Variants in SRD5A2 observed in about 807,000 individuals in gnomAD.
The protein encoded by SRD5A2 is 3-oxo-5-alpha-steroid 4-dehydrogenase 2.
In SRD5A2, 30 loss-of-function variants were observed where a neutral mutation model predicts 27.4. The observed-to-expected ratio is 1.10, with a 90% CI of 0.82 to 1.49. The LOEUF is 1.49. SRD5A2 is among the 40% of genes most tolerant of loss of function. The pLI is 0.00. For missense variants in SRD5A2, 348 were observed against 323.4 expected (o/e 1.08, Z -0.58); for synonymous variants, 141 against 133.6 (o/e 1.06, Z -0.38).
the SRD5A2 span, among the ~76,000 whole-genome samples, chr2:31,657,152 T>C: frequency 0.023 from 3,534 of 152,224 alleles, 131 homozygotes; most frequent in African/African-American, 0.079. Context: ...CTAAATGAAA[T>C]GTGTGTTTTA....
intron 4 of SRD5A2, among the ~76,000 whole-genome samples, chr2:31,528,026 C>A (rs1401188177): frequency 2.6e-5 from 4 of 152,178 alleles, no homozygotes; most frequent in Admixed American, 6.5e-5. Flanking sequence ...CAAGTTAAAG[C>A]CTGATAACAA....
rs929491302 is a variant in SRD5A2, at chr2:31,522,804, A to G, written c.*3392T>C. 1.4e-5 allele frequency: 3 copies of G among 221,628 alleles called. No homozygotes were observed. The highest frequency in any genetic ancestry group is 6.7e-5 in the African/African-American group (3 of 44,682). 13.7% of individuals were successfully genotyped at this position (221,628 alleles called of 1,614,324 possible). ...CCGTTACCCTCCTTGTTTTCCCTGC[A>G]TGGACCTCAGCTCACAGCTTATTAG... On this transcript the variant is annotated 3_prime_UTR_variant, in exon 5 of 5. Coordinates refer to ENST00000622030, the MANE Select transcript of SRD5A2 (RefSeq NM_000348.4).
the SRD5A2 span, among the ~76,000 whole-genome samples, chr2:31,598,619 G>A: frequency 1.3e-5 from 2 of 151,518 alleles, no homozygotes; most frequent in African/African-American, 4.8e-5. Flanking sequence ...TGGGTTATCT[G>A]GTAGTATTTG....
In SRD5A2 at chr2:31,555,643, T is replaced by A. The variant is rs369063046; in HGVS notation, c.282-21877A>T. 5.9e-5 allele frequency among the ~76,000 whole-genome samples: 9 copies of A among 152,182 alleles called. No individual in the cohort carries two copies. In the East Asian group the frequency reaches 1.3e-3, roughly 23 times the overall value. On this transcript the variant is annotated intron_variant, in intron 1 of 4. Transcript: ENST00000622030. Reference sequence around the variant, plus strand: ...TGATAGTATCTTTGGAACCACTGCATTGATCTGGACCTGAAGCTGGAATTT... The same window carrying A: ...TGATAGTATCTTTGGAACCACTGCAATGATCTGGACCTGAAGCTGGAATTT...
chr2:31,537,884 C>T (rs1666057908), intron 1 of SRD5A2, among the ~76,000 whole-genome samples: 1 of 152,124 alleles, frequency 6.6e-6, no homozygotes, highest in Non-Finnish European at 1.5e-5. Context: ...CTTGCCCTTT[C>T]ACCTTCTGCC....
In SRD5A2 at chr2:31,526,062, G is replaced by T. The variant is rs922813779; in HGVS notation, c.*134C>A. On this transcript the variant is annotated 3_prime_UTR_variant, in exon 5 of 5. Transcript: ENST00000622030. ...AGCAGACACCACTCAGAATCCCCAG[G>T]CCAGCTGGCAGAACGCCAGGAGACC... 3.3e-6 allele frequency: 2 copies of T among 600,980 alleles called. No homozygotes were observed. The highest frequency in any genetic ancestry group is 5.8e-6 in the Non-Finnish European group (2 of 346,966). The allele number at this position is 600,980 out of a possible 1,614,324, so 37.2% of individuals were successfully genotyped here.
chr2:31,623,939 C>G, the SRD5A2 span, among the ~76,000 whole-genome samples: 2 of 152,056 alleles, frequency 1.3e-5, no homozygotes, highest in Non-Finnish European at 2.9e-5. Flanking sequence ...AACCTTACAT[C>G]CCAGGGATGA....
At chr2:31,662,970 A>G in the SRD5A2 span, among the ~76,000 whole-genome samples, 3 of 152,170 alleles carry the variant, frequency 2.0e-5, no homozygotes, top group African/African-American at 4.8e-5. Flanking sequence ...TTGGTCTAAT[A>G]TAAGTTGGAA....
At chr2:31,582,268 T>C (rs192530442), upstream of SRD5A2, among the ~76,000 whole-genome samples, 1,085 of 152,254 alleles carry the variant, frequency 7.1e-3, 15 homozygotes, top group African/African-American at 0.024. Flanking sequence ...CCACTTCTGC[T>C]GGATCAGGCC....
At chr2:31,643,291 A>G in the SRD5A2 span, among the ~76,000 whole-genome samples, 2 of 152,168 alleles carry the variant, frequency 1.3e-5, no homozygotes, top group African/African-American at 2.4e-5. Flanking sequence ...GCAAATGTAT[A>G]AATATATTCA....
chr2:31,605,166 A>C, the SRD5A2 span, among the ~76,000 whole-genome samples: 1 of 151,864 alleles, frequency 6.6e-6, no homozygotes, highest in Non-Finnish European at 1.5e-5. Flanking sequence ...ACAAAGACTT[A>C]ATTCTAAGAC....
intron 1 of SRD5A2, among the ~76,000 whole-genome samples, chr2:31,563,721 G>A (rs560864074): frequency 6.6e-6 from 1 of 152,208 alleles, no homozygotes; most frequent in African/African-American, 2.4e-5. Flanking sequence ...TGTGAGGAAA[G>A]AATCACCCAA....
intron 1 of SRD5A2, among the ~76,000 whole-genome samples, chr2:31,574,261 T>C (rs998640297): frequency 6.6e-6 from 1 of 152,238 alleles, no homozygotes; most frequent in African/African-American, 2.4e-5. Context: ...CTAGGTATTG[T>C]ACTCCTATGA....
chr2:31,643,090 C>T, the SRD5A2 span, among the ~76,000 whole-genome samples: 6 of 152,064 alleles, frequency 3.9e-5, no homozygotes, highest in African/African-American at 1.4e-4. Flanking sequence ...TATCTTGATA[C>T]AGGTTTGAGT....
the SRD5A2 span, among the ~76,000 whole-genome samples, chr2:31,611,680 A>G: frequency 6.6e-6 from 1 of 152,202 alleles, no homozygotes; most frequent in Admixed American, 6.5e-5. Flanking sequence ...TGAAGATAAT[A>G]TGCAGTAAAA....
chr2:31,659,567 G>T, the SRD5A2 span, among the ~76,000 whole-genome samples: 1 of 152,040 alleles, frequency 6.6e-6, no homozygotes, highest in Admixed American at 6.6e-5. Context: ...GATCAAGACT[G>T]CAATCCCATT....
At chr2:31,635,338 G>A in the SRD5A2 span, among the ~76,000 whole-genome samples, 1 of 152,042 alleles carries the variant, frequency 6.6e-6, no homozygotes, top group Admixed American at 6.6e-5. Flanking sequence ...TTGGCCATTT[G>A]TATATCTTCT....
chr2:31,580,850 C>A lies in SRD5A2; in HGVS notation c.51G>T (p.Leu17Phe), dbSNP rs1175535089. ...ACAAGGCCAGTGCCCCAAGGGCGAC[C>A]AAAGTGGCGCTGCCTGCCAGCACTG... ...QSPVLAGSAT[L>F]VALGALALYV... The change falls in exon 1 of 5, where the codon TTG becomes TTT. Residue 17 changes from leucine to phenylalanine, a missense_variant. Leu to Phe is a conservative substitution (Grantham distance 22). Coordinates refer to ENST00000622030, the MANE Select transcript of SRD5A2 (RefSeq NM_000348.4). The A allele has an allele frequency of 6.2e-7, 1 of 1,611,620 alleles. No individual in the cohort carries two copies. The highest frequency in any genetic ancestry group is 8.5e-7 in the Non-Finnish European group (1 of 1,179,254).
the SRD5A2 span, among the ~76,000 whole-genome samples, chr2:31,615,435 T>G: frequency 6.6e-6 from 1 of 152,196 alleles, no homozygotes; most frequent in African/African-American, 2.4e-5. Flanking sequence ...AAGGTGACTC[T>G]TGCTATGTTT....
Sources: allele counts gnomAD v4.1 joint callset (sites outside exome capture counted in the v4.1 genomes callset), GRCh38; gene constraint gnomAD v4.1.1; transcripts MANE v1.5; gene names NCBI Gene and HGNC (gene_info 2026-07-23, HGNC 2026-07-21).